PPP2R2A: variants seen among roughly 807,000 people sequenced by gnomAD.
PPP2R2A encodes the protein serine/threonine-protein phosphatase 2A 55 kDa regulatory subunit B alpha isoform.
In PPP2R2A, 9 loss-of-function variants were observed where a neutral mutation model predicts 53.2. The ratio of observed to expected loss-of-function variants is 0.17; its 90% CI spans 0.10 to 0.30. The LOEUF (loss-of-function observed/expected upper bound fraction) is 0.30. Ranked by LOEUF, PPP2R2A falls within the 10% of genes least tolerant of loss-of-function variation. PPP2R2A has a pLI of 1.00. For missense variants in PPP2R2A, 235 were observed against 534.6 expected, an observed-to-expected ratio of 0.44 and a Z score of 5.53; for synonymous variants, 169 against 174.2, an observed-to-expected ratio of 0.97 and a Z score of 0.23.
Position 26,370,602 on chromosome 8 carries a change from A to G in PPP2R2A, c.*189A>G, listed in dbSNP as rs765240712. 3 of 680,024 alleles carry G rather than the reference A, an allele frequency of 4.4e-6. No individual in the cohort carries two copies. Among genetic ancestry groups the G allele is most frequent in the East Asian group, 5.5e-5 (2 of 36,238 alleles). 42.1% of individuals were successfully genotyped at this position (680,024 alleles called of 1,614,324 possible). On this transcript the variant is annotated 3_prime_UTR_variant, in exon 10 of 10. Transcript: ENST00000380737. The surrounding 1 kb of genome is among the most constrained non-coding windows in gnomAD (Gnocchi z 6.1). ...TGGATTCATCACTGTGGTGTTCTCC[A>G]TGTCTGCTAGCCATTTAGGTAAGGG... is the stretch of plus-strand genomic sequence containing the variant.
At chr8:26,296,865 A>C (rs1486287070) in intron 2 of PPP2R2A, among the ~76,000 whole-genome samples, 1 of 152,240 alleles carries the variant, frequency 6.6e-6, no homozygotes, top group Non-Finnish European at 1.5e-5. Flanking sequence ...CGCTTTCTGC[A>C]GAATCATCGG....
intron 2 of PPP2R2A, among the ~76,000 whole-genome samples, chr8:26,318,760 G>T (rs1388026702): frequency 3.3e-5 from 5 of 152,168 alleles, no homozygotes; most frequent in African/African-American, 1.2e-4. Flanking sequence ...AAGATAGACA[G>T]AACCTGGATA....
intron 2 of PPP2R2A, among the ~76,000 whole-genome samples, chr8:26,311,571 A>G (rs1479273762): frequency 6.6e-6 from 1 of 152,130 alleles, no homozygotes; most frequent in Non-Finnish European, 1.5e-5. Flanking sequence ...TGGGAGGCTG[A>G]GGTGAGAGGA....
chr8:26,349,051 C>T (rs910255399), intron 3 of PPP2R2A, among the ~76,000 whole-genome samples: 1 of 151,712 alleles, frequency 6.6e-6, no homozygotes, highest in Non-Finnish European at 1.5e-5. Context: ...TTGGGAAGAA[C>T]ATACTCCATC....
chr8:26,315,803 A>G (rs1486207013), intron 2 of PPP2R2A, among the ~76,000 whole-genome samples: 1 of 151,922 alleles, frequency 6.6e-6, no homozygotes, highest in Non-Finnish European at 1.5e-5. Context: ...GACTGTTTTT[A>G]TTAGTTTACC....
intron 2 of PPP2R2A, among the ~76,000 whole-genome samples, chr8:26,331,798 A>G (rs1253021172): frequency 3.3e-5 from 5 of 152,238 alleles, no homozygotes; most frequent in African/African-American, 1.2e-4. Flanking sequence ...TAGAATTTTC[A>G]CAAACTTCAT....
intron 2 of PPP2R2A, among the ~76,000 whole-genome samples, chr8:26,303,776 A>AAAATTATGAATTTTT (rs1801894205): frequency 6.6e-6 from 1 of 152,216 alleles, no homozygotes; most frequent in Non-Finnish European, 1.5e-5. Flanking sequence ...CTAATTTTTA[A>AAAATTATGAATTTTT]AAATGAATAT....
chr8:26,320,576 G>A (rs1223393210), intron 2 of PPP2R2A, among the ~76,000 whole-genome samples: 2 of 152,160 alleles, frequency 1.3e-5, no homozygotes, highest in Non-Finnish European at 2.9e-5. Context: ...GCATGCAGTT[G>A]TAGGTACTTC....
chr8:26,352,735 T>C (rs939157557), intron 3 of PPP2R2A, among the ~76,000 whole-genome samples: 4 of 152,206 alleles, frequency 2.6e-5, no homozygotes, highest in Admixed American at 2.6e-4. Flanking sequence ...TGTCCACGAG[T>C]CTACAGGAAG....
intron 2 of PPP2R2A, among the ~76,000 whole-genome samples, chr8:26,334,414 A>C (rs1462012747): frequency 6.6e-6 from 1 of 152,200 alleles, no homozygotes; most frequent in Admixed American, 6.5e-5. Flanking sequence ...TTAAAGGTGC[A>C]GAATTCTCAA....
Position 26,354,756 on chromosome 8 carries a change from G to A in PPP2R2A, c.346+123G>A. 6 of 911,018 alleles carry A rather than the reference G, an allele frequency of 6.6e-6. No homozygotes were observed. Among genetic ancestry groups the A allele is most frequent in the Non-Finnish European group, 8.9e-6 (6 of 673,396 alleles). 56.4% of individuals were successfully genotyped at this position (911,018 alleles called of 1,614,324 possible). The stretch of plus-strand genomic sequence containing the variant: ...AAAAGGACTTTTGTTTTTCTATACA[G>A]AATGTAAACTCTACTTTTTTACTGT... On this transcript the variant is annotated intron_variant, in intron 4 of 9. Transcript: ENST00000380737. This position sits in a 1 kb window ranked among gnomAD's most constrained non-coding sequence, Gnocchi z 4.6.
rs1180806586 is a variant in PPP2R2A at position 26,291,738 on chromosome 8, C to G, written c.-82C>G. 5 of 1,483,868 alleles carry G rather than the reference C, an allele frequency of 3.4e-6. No individual in the cohort carries two copies. The South Asian group carries it at 4.8e-5, about 14-fold the overall frequency. 91.9% of individuals were successfully genotyped at this position (1,483,868 alleles called of 1,614,324 possible). On this transcript the variant is annotated 5_prime_UTR_variant, in exon 1 of 10. Coordinates refer to ENST00000380737, the MANE Select transcript of PPP2R2A (RefSeq NM_002717.4). ...ATCCGCCGCCATCCGCCCTCTCTAC[C>G]CCCCCATCCCCAGGTGAGGGGGGTG... is the stretch of plus-strand genomic sequence containing the variant.
intron 3 of PPP2R2A, among the ~76,000 whole-genome samples, chr8:26,343,259 G>A (rs1319411364): frequency 2.0e-5 from 3 of 152,124 alleles, no homozygotes. Context: ...TATGTATATG[G>A]TGCATTCATA....
intron 4 of PPP2R2A, among the ~76,000 whole-genome samples, chr8:26,355,897 C>G (rs1476254934): frequency 6.6e-6 from 1 of 151,170 alleles, no homozygotes; most frequent in Non-Finnish European, 1.5e-5. Flanking sequence ...TTAGTAATGA[C>G]TCTACCAGAA....
At chr8:26,353,766 C>T (rs1337824848) in intron 3 of PPP2R2A, among the ~76,000 whole-genome samples, 1 of 152,076 alleles carries the variant, frequency 6.6e-6, no homozygotes, top group Non-Finnish European at 1.5e-5. Context: ...AATTAGTCAT[C>T]AGTGTGTGCC....
At chr8:26,368,141 T>C (rs1452558578) in intron 9 of PPP2R2A, among the ~76,000 whole-genome samples, 1 of 152,228 alleles carries the variant, frequency 6.6e-6, no homozygotes, top group Non-Finnish European at 1.5e-5. Context: ...GATATGGGGA[T>C]GTCAATCTAA....
At chr8:26,292,320 T>G in intron 1 of PPP2R2A, 3 of 987,840 alleles carry the variant, frequency 3.0e-6, no homozygotes, top group Non-Finnish European at 3.6e-6. Flanking sequence ...TGGGGGCATA[T>G]GTGTATTTTT....
chr8:26,362,860 G>C lies in PPP2R2A; in HGVS notation c.802+12G>C, dbSNP rs778097404. The C allele has an allele frequency of 1.9e-6, 3 of 1,607,138 alleles. No homozygotes were observed. Among genetic ancestry groups the C allele is most frequent in the Middle Eastern group, 3.3e-4 (2 of 6,068 alleles). On this transcript the variant is annotated intron_variant, in intron 7 of 9. Coordinates refer to ENST00000380737, the MANE Select transcript of PPP2R2A (RefSeq NM_002717.4). The surrounding 1 kb of genome is among the most constrained non-coding windows in gnomAD (Gnocchi z 4.4). The stretch of plus-strand genomic sequence containing the variant: ...TAGACATTCTAAATGTAAGTTTATT[G>C]TATCTTTCCTTAAAATGATTACATA...
Position 26,291,677 on chromosome 8 carries a change from T to TGCC in PPP2R2A, c.-143_-142insGCC. ...TGGTCTGCCCGCCCCTCCTTCCTTTTCCCCCCGGCCCCCGTCCCCTCCCCC... is the reference window on the plus strand; with the variant it reads ...TGGTCTGCCCGCCCCTCCTTCCTTTTGCCCCCCCCGGCCCCCGTCCCCTCCCCC... On this transcript the variant is annotated 5_prime_UTR_variant, in exon 1 of 10. Coordinates refer to ENST00000380737, the MANE Select transcript of PPP2R2A (RefSeq NM_002717.4). The TGCC allele has an allele frequency of 1.5e-5, 7 of 451,622 alleles. No individual in the cohort carries two copies. The highest frequency in any genetic ancestry group is 2.5e-5 in the Non-Finnish European group (6 of 242,348). The allele number at this position is 451,622 out of a possible 1,614,324, so 28.0% of individuals were successfully genotyped here. A position where few individuals can be genotyped will look rare whatever the true frequency, so the allele number is the denominator to read the frequency against.
Sources: allele counts gnomAD v4.1 joint callset (sites outside exome capture counted in the v4.1 genomes callset), GRCh38; gene constraint gnomAD v4.1.1; non-coding constraint Gnocchi (gnomAD v3.1); transcripts MANE v1.5; gene names NCBI Gene and HGNC (gene_info 2026-07-23, HGNC 2026-07-21).